MTRR: variants seen among roughly 807,000 people sequenced by gnomAD.
MTRR encodes 5-methyltetrahydrofolate-homocysteine methyltransferase reductase.
A neutral mutation model predicts 79.2 loss-of-function variants in MTRR; 63 were observed. The observed-to-expected ratio is 0.80, with a 90% confidence interval of 0.65 to 0.98. The LOEUF (loss-of-function observed/expected upper bound fraction) is 0.98, where lower values mean the gene tolerates loss of function less well. Among genes scored for constraint, MTRR ranks in the 50% least tolerant of loss-of-function variants. MTRR has a pLI of 0.00. For missense variants in MTRR, 895 were observed against 839.6 expected (o/e 1.07, Z -0.82); for synonymous variants, 355 against 313.3 (o/e 1.13, Z -1.41).
upstream of MTRR, chr5:7,867,208 A>G (rs777981788): frequency 6.2e-7 from 1 of 1,614,130 alleles, no homozygotes; most frequent in South Asian, 1.1e-5. Flanking sequence ...TCAATTTAGG[A>G]CTCAGGTTGG....
intron 6 of MTRR, 54 bp downstream of exon 6, chr5:7,883,331 A>C: frequency 6.2e-7 from 1 of 1,611,778 alleles, no homozygotes; most frequent in Non-Finnish European, 8.5e-7. Context: ...ATGTGCAGAA[A>C]GAGTTGTGTG....
chr5:7,876,382 G>A (rs571899412), intron 4 of MTRR, among the ~76,000 whole-genome samples: 1 of 152,154 alleles, frequency 6.6e-6, no homozygotes, highest in Non-Finnish European at 1.5e-5. Context: ...TCTTGTATGA[G>A]CTGTGTTTAA....
chr5:7,864,543 G>C (rs1300781402), upstream of MTRR, among the ~76,000 whole-genome samples: 1 of 152,120 alleles, frequency 6.6e-6, no homozygotes, highest in Non-Finnish European at 1.5e-5. Context: ...GTTTTACAAT[G>C]AGTCCTTAAA....
At chr5:7,852,221 G>A (rs1746097038) in intron 1 of MTRR, among the ~76,000 whole-genome samples, 1 of 152,180 alleles carries the variant, frequency 6.6e-6, no homozygotes, top group Admixed American at 6.5e-5. Context: ...CAACTAGGTA[G>A]GAATCTCTTG....
chr5:7,867,265 G>C, upstream of MTRR: 1 of 1,613,780 alleles, frequency 6.2e-7, no homozygotes, highest in Non-Finnish European at 8.5e-7. Flanking sequence ...AAAATGTTTG[G>C]TGTTCATCCA....
intron 1 of MTRR, among the ~76,000 whole-genome samples, chr5:7,855,431 AAG>A (rs1553995699): frequency 6.7e-6 from 1 of 149,032 alleles, no homozygotes; most frequent in African/African-American, 2.6e-5. Flanking sequence ...AAAAAAAAAA[AAG>A]AAAAAGTTAA....
chr5:7,897,031 A>C (rs768326252), intron 13 of MTRR, 34 bp from the exon 14 acceptor site: 39 of 1,612,874 alleles, frequency 2.4e-5, no homozygotes, highest in Non-Finnish European at 3.1e-5. Flanking sequence ...CAGCTTGACA[A>C]CCTTTTAGTG....
At chr5:7,895,362 A>G (rs571736701) in intron 11 of MTRR, among the ~76,000 whole-genome samples, 78 of 152,260 alleles carry the variant, frequency 5.1e-4, no homozygotes, top group South Asian at 2.9e-3. Flanking sequence ...CGTGATGCTA[A>G]TCTTTATTGT....
At chr5:7,867,056 T>C (rs143628669), upstream of MTRR, 2 of 1,614,032 alleles carry the variant, frequency 1.2e-6, no homozygotes, top group East Asian at 2.2e-5. Flanking sequence ...GTGCCCAAAA[T>C]ATATGAACGC....
chr5:7,874,732 A>G (rs1748588009), intron 3 of MTRR, among the ~76,000 whole-genome samples: 1 of 151,808 alleles, frequency 6.6e-6, no homozygotes, highest in Non-Finnish European at 1.5e-5. Context: ...AGTAAACTCT[A>G]TGAAGGTCCA....
At chr5:7,860,282 T>C (rs1746442411) in intron 1 of MTRR, among the ~76,000 whole-genome samples, 1 of 152,208 alleles carries the variant, frequency 6.6e-6, no homozygotes, top group Admixed American at 6.5e-5. Flanking sequence ...CTTAGAGAAT[T>C]AGGGCAGCGC....
At chr5:7,867,136 T>C, upstream of MTRR, 13 of 1,614,198 alleles carry the variant, frequency 8.1e-6, no homozygotes, top group Non-Finnish European at 1.1e-5. Flanking sequence ...TGCCCAATTT[T>C]ATAATCAGAG....
chr5:7,853,199 C>T (rs1746126882), intron 1 of MTRR, among the ~76,000 whole-genome samples: 1 of 152,082 alleles, frequency 6.6e-6, no homozygotes, highest in African/African-American at 2.4e-5. Context: ...GCCATTTCCC[C>T]CATGCTGTTC....
At chr5:7,871,378 G>A (rs991806401) in intron 2 of MTRR, among the ~76,000 whole-genome samples, 2 of 152,182 alleles carry the variant, frequency 1.3e-5, no homozygotes, top group African/African-American at 4.8e-5. Context: ...GTAGTGTAAG[G>A]ATCTGGAAAA....
chr5:7,878,815 T>G (rs1735023399), intron 5 of MTRR, among the ~76,000 whole-genome samples: 1 of 152,172 alleles, frequency 6.6e-6, no homozygotes. Flanking sequence ...TACCCTGAAG[T>G]TTTTCTAACC....
intron 2 of MTRR, chr5:7,872,284 T>C (rs1444232502): frequency 6.7e-6 from 3 of 449,954 alleles, no homozygotes; most frequent in Admixed American, 2.4e-5. Flanking sequence ...TCATGGGCAG[T>C]AAAGCTTGTG....
upstream of MTRR, chr5:7,867,760 G>A (rs143616198): frequency 2.8e-4 from 444 of 1,614,020 alleles, 1 homozygote; most frequent in Non-Finnish European, 4.2e-5. Flanking sequence ...ATGAAGTCAA[G>A]TTGCTCAGTC....
In MTRR at chr5:7,892,887, G is replaced by A; in HGVS notation, c.1531G>A (p.Asp511Asn). 1 of 1,614,210 alleles carries A rather than the reference G, an allele frequency of 6.2e-7. No individual in the cohort carries two copies. Among genetic ancestry groups the A allele is most frequent in the Non-Finnish European group, 8.5e-7 (1 of 1,180,048 alleles). ...LQPNIHASHE[D>N]SGKALAPKIS... The stretch of plus-strand genomic sequence containing the variant: ...GCCAAACATACATGCATCCCATGAA[G>A]ACAGCGGGAAAGCCCTGGCTCCTAA... Residue 511 changes from aspartate (D) to asparagine (N), a missense_variant, in exon 11 of 15, where the codon GAC becomes AAC. Transcript: ENST00000440940.
chr5:7,875,151 T>C, intron 3 of MTRR, 107 bp from the exon 4 acceptor site: 1 of 819,954 alleles, frequency 1.2e-6, no homozygotes. Context: ...TATTACTCCA[T>C]CCATAAGAGC....
Sources: allele counts gnomAD v4.1 joint callset (sites outside exome capture counted in the v4.1 genomes callset), GRCh38; gene constraint gnomAD v4.1.1; transcripts MANE v1.5; gene names NCBI Gene and HGNC (gene_info 2026-07-23, HGNC 2026-07-21).